The following FSTL5 variants were observed in gnomAD, a reference collection of about 807,000 sequenced individuals.
The protein encoded by FSTL5 is follistatin like 5, also known as follistatin-related protein 5.
Under a neutral mutation model 89.1 loss-of-function variants are expected in FSTL5, and 62 were observed. That is an observed-to-expected ratio of 0.70 (90% CI 0.57 to 0.86). FSTL5 has a LOEUF of 0.86. Among genes scored for constraint, FSTL5 ranks in the 40% least tolerant of loss-of-function variants. The pLI is 0.00. For synonymous variants in FSTL5, 383 were observed against 346.2 expected (o/e 1.11, Z -1.18); for missense variants, 1,057 against 1,001.6 (o/e 1.06, Z -0.75).
chr4:161,927,223 TGA>T (rs1734151722), intron 3 of FSTL5, among the ~76,000 whole-genome samples: 1 of 151,612 alleles, frequency 6.6e-6, no homozygotes, highest in Non-Finnish European at 1.5e-5. Flanking sequence ...ATCTATGCAA[TGA>T]GAGAAAAGGC....
intron 3 of FSTL5, among the ~76,000 whole-genome samples, chr4:162,001,989 T>A (rs966866973): frequency 6.6e-6 from 1 of 152,136 alleles, no homozygotes; most frequent in Non-Finnish European, 1.5e-5. Flanking sequence ...TGTCTACTTT[T>A]TTTATTTTTT....
intron 2 of FSTL5, among the ~76,000 whole-genome samples, chr4:162,076,621 C>A (rs1215426124): frequency 2.0e-5 from 3 of 151,712 alleles, no homozygotes; most frequent in Admixed American, 1.3e-4. Flanking sequence ...GAAGGCAAGA[C>A]TTCTGTGGAT....
In FSTL5 at chr4:161,491,791, G is replaced by A. The variant is rs1036713224; in HGVS notation, c.1458+8225C>T. ...AGAGGCAGAGGTTGCAGTGAGTTGA[G>A]AACATGCCACTGAAATCCAGCCTGG... On this transcript the variant is annotated intron_variant, in intron 12 of 15. Coordinates refer to ENST00000306100, the MANE Select transcript of FSTL5 (RefSeq NM_020116.5). 6.3e-4 allele frequency among the ~76,000 whole-genome samples: 93 copies of A among 147,828 alleles called. 1 individual carries two copies. The highest frequency in any genetic ancestry group is 2.2e-3 in the African/African-American group (88 of 40,162).
rs185885668 is a variant in FSTL5 at position 161,837,465 on chromosome 4, T to G, written c.410-61391A>C. ...GTAAATAAATAGGATGCCATTGAAA[T>G]TAGGGGAAAGTGTCTCAGTGAATTT... On this transcript the variant is annotated intron_variant, in intron 4 of 15. Coordinates refer to ENST00000306100, the MANE Select transcript of FSTL5 (RefSeq NM_020116.5). Among the ~76,000 whole-genome samples the G allele has an allele frequency of 2.6e-5, 4 of 152,216 alleles. No individual in the cohort carries two copies. In the East Asian group the frequency reaches 7.7e-4, roughly 29 times the overall value.
chr4:162,033,726 TTTCACTATAG>T, intron 2 of FSTL5, 68 bp from the exon 3 acceptor site: 1 of 858,912 alleles, frequency 1.2e-6, no homozygotes, highest in Non-Finnish European at 1.8e-6. Flanking sequence ...TCATATAAAG[TTTCACTATAG>T]AAGTATCAAA....
At chr4:162,048,240 T>C (rs994742731) in intron 2 of FSTL5, among the ~76,000 whole-genome samples, 1 of 151,884 alleles carries the variant, frequency 6.6e-6, no homozygotes, top group Non-Finnish European at 1.5e-5. Context: ...GGCAGGAGAA[T>C]TGCTTGAACC....
chr4:162,076,039 T>C (rs1438506271), intron 2 of FSTL5, among the ~76,000 whole-genome samples: 2 of 151,906 alleles, frequency 1.3e-5, no homozygotes, highest in Non-Finnish European at 2.9e-5. Flanking sequence ...AGTTTCTGTT[T>C]CTGGGAAACC....
At chr4:161,511,844 G>T (rs533817328) in intron 10 of FSTL5, among the ~76,000 whole-genome samples, 4 of 152,176 alleles carry the variant, frequency 2.6e-5, no homozygotes, top group South Asian at 4.1e-4. Context: ...GCTATGAGAA[G>T]AAGATGGGTA....
chr4:161,962,071 T>G (rs1735195456), intron 3 of FSTL5, among the ~76,000 whole-genome samples: 1 of 151,986 alleles, frequency 6.6e-6, no homozygotes, highest in Non-Finnish European at 1.5e-5. Context: ...TTGTTAAAAA[T>G]AATTTTTATT....
intron 15 of FSTL5, among the ~76,000 whole-genome samples, chr4:161,443,849 G>A (rs910233336): frequency 6.6e-6 from 1 of 151,892 alleles, no homozygotes; most frequent in East Asian, 1.9e-4. Context: ...GGCTACTCAG[G>A]TTCTTCTTGG....
At chr4:161,614,565 G>A (rs1306290785) in intron 7 of FSTL5, among the ~76,000 whole-genome samples, 1 of 152,074 alleles carries the variant, frequency 6.6e-6, no homozygotes. Context: ...CACTGTGTAT[G>A]TTTCAAAAAT....
At chr4:162,153,571 A>T (rs1324214404) in intron 1 of FSTL5, among the ~76,000 whole-genome samples, 4 of 146,120 alleles carry the variant, frequency 2.7e-5, no homozygotes, top group African/African-American at 1.0e-4. Context: ...GAACTAATTT[A>T]TTTCTCTTAA....
intron 4 of FSTL5, among the ~76,000 whole-genome samples, chr4:161,781,221 G>T (rs1174970018): frequency 1.3e-5 from 2 of 151,708 alleles, no homozygotes; most frequent in South Asian, 4.1e-4. Context: ...ATGCATATAT[G>T]AATCAAATTC....
At chr4:161,649,357 C>T (rs4130501) in intron 7 of FSTL5, among the ~76,000 whole-genome samples, 25,528 of 151,866 alleles carry the variant, frequency 0.17, 2,400 homozygotes, top group East Asian at 0.32. Flanking sequence ...TTTTCTTCCT[C>T]GACAGCAGAA....
intron 4 of FSTL5, among the ~76,000 whole-genome samples, chr4:161,817,722 G>A (rs1246556365): frequency 6.6e-6 from 1 of 151,996 alleles, no homozygotes; most frequent in Non-Finnish European, 1.5e-5. Context: ...ACATGTGCGT[G>A]TGCCTGTGTG....
chr4:161,653,266 T>C (rs28627074), intron 7 of FSTL5, among the ~76,000 whole-genome samples: 2,566 of 152,256 alleles, frequency 0.017, 76 homozygotes, highest in African/African-American at 0.058. Flanking sequence ...GGAGACCCCA[T>C]TGTAGCTAAA....
At chr4:161,531,537 C>T (rs1158499336) in intron 10 of FSTL5, among the ~76,000 whole-genome samples, 1 of 152,110 alleles carries the variant, frequency 6.6e-6, no homozygotes, top group Non-Finnish European at 1.5e-5. Context: ...AAGCGCATTA[C>T]AGAATAATTC....
At chr4:161,617,069 T>C (rs937828750) in intron 7 of FSTL5, among the ~76,000 whole-genome samples, 1 of 151,548 alleles carries the variant, frequency 6.6e-6, no homozygotes, top group African/African-American at 2.4e-5. Flanking sequence ...AATAAAGTAT[T>C]ACAAATAGGT....
chr4:161,831,631 T>C (rs918800296), intron 4 of FSTL5, among the ~76,000 whole-genome samples: 1 of 151,954 alleles, frequency 6.6e-6, no homozygotes, highest in Non-Finnish European at 1.5e-5. Flanking sequence ...AATTTCTTGC[T>C]ATTGAAATTA....
Sources: gnomAD v4.1 joint callset for allele counts (sites outside exome capture counted in the v4.1 genomes callset) on GRCh38, gnomAD v4.1.1 for gene constraint, MANE v1.5 for transcripts, NCBI Gene and HGNC (gene_info 2026-07-23, HGNC 2026-07-21) for gene names.